ZNF454: variants seen among roughly 807,000 people sequenced by gnomAD.
ZNF454 encodes zinc finger protein 454.
Under a neutral mutation model 48.2 loss-of-function variants are expected in ZNF454, and 30 were observed. That is an observed-to-expected ratio of 0.62 (90% CI 0.47 to 0.84). The LOEUF (loss-of-function observed/expected upper bound fraction) is 0.84, where lower values mean the gene tolerates loss of function less well. Among genes scored for constraint, ZNF454 ranks in the 40% least tolerant of loss-of-function variants. The pLI is 0.00. For synonymous variants in ZNF454, 204 were observed against 211.4 expected (o/e 0.97, Z 0.30); for missense variants, 510 against 623.1 (o/e 0.82, Z 1.93).
In ZNF454 at chr5:178,946,340, A is replaced by G; in HGVS notation, c.34-19A>G. On this transcript the variant is annotated intron_variant, in intron 2 of 4. Coordinates refer to ENST00000519564, the MANE Select transcript of ZNF454 (RefSeq NM_001178089.3). The surrounding 1 kb of genome is among the most constrained non-coding windows in gnomAD (Gnocchi z 4.5). ...GCAGGGGTAGCCCCTGGTCAAGGAG[A>G]ATGAATTTGCTGTTGCAGGAATCGG... 6.2e-7 allele frequency: 1 copy of G among 1,610,580 alleles called. No homozygotes were observed.
intron 4 of ZNF454, among the ~76,000 whole-genome samples, chr5:178,959,872 T>C (rs929861101): frequency 6.6e-6 from 1 of 151,828 alleles, no homozygotes; most frequent in Non-Finnish European, 1.5e-5. Context: ...CCCAAAGTGC[T>C]GGGATTACAG....
At chr5:178,952,688 G>A (rs1759607478) in intron 4 of ZNF454, among the ~76,000 whole-genome samples, 1 of 152,002 alleles carries the variant, frequency 6.6e-6, no homozygotes, top group Non-Finnish European at 1.5e-5. Context: ...TGTATCTTGG[G>A]CAATACTAGG....
chr5:178,986,884 C>T, the ZNF454 span: 1 of 1,614,164 alleles, frequency 6.2e-7, no homozygotes, highest in Non-Finnish European at 8.5e-7. Flanking sequence ...CTGGTACCCG[C>T]CACTGCTGGC....
rs775666872 is a variant in ZNF454 at position 178,946,382 on chromosome 5, G to A, written c.57G>A (p.Val19=). The A allele has an allele frequency of 6.2e-7, 1 of 1,613,240 alleles. No homozygotes were observed. The highest frequency in any genetic ancestry group is 2.2e-5 in the East Asian group (1 of 44,820). ...MVQESVTFKD[V]AILFTQEEWG... ...AGGAATCGGTGACCTTCAAGGATGT[G>A]GCTATACTGTTCACCCAGGAAGAGT... The change falls in exon 3 of 5, where the codon GTG becomes GTA. Residue 19 remains valine, a synonymous_variant. Coordinates refer to ENST00000519564, the MANE Select transcript of ZNF454 (RefSeq NM_001178089.3). This position sits in a 1 kb window ranked among gnomAD's most constrained non-coding sequence, Gnocchi z 4.5.
chr5:178,975,703 G>A, the ZNF454 span: 1 of 429,326 alleles, frequency 2.3e-6, no homozygotes. Flanking sequence ...AGTGCCTCAG[G>A]TGACGGTTAG....
chr5:178,968,104 A>AACACACAC (rs1760192241), downstream of ZNF454, among the ~76,000 whole-genome samples: 1 of 40,280 alleles, frequency 2.5e-5, no homozygotes, highest in African/African-American at 8.1e-5. Flanking sequence ...ACATCTGTGC[A>AACACACAC]TCACACACAC....
intron 4 of ZNF454, among the ~76,000 whole-genome samples, chr5:178,952,125 C>A (rs928657669): frequency 6.6e-6 from 1 of 151,562 alleles, no homozygotes; most frequent in Admixed American, 6.6e-5. Context: ...GCAAGCTCCT[C>A]CTCCCGGGTT....
chr5:178,985,530 T>C, the ZNF454 span: 27,999 of 337,276 alleles, frequency 0.083, 1,344 homozygotes, highest in South Asian at 0.14. Flanking sequence ...GGTGAAGCCC[T>C]GTCTCTACTA....
At chr5:178,982,855 C>T in the ZNF454 span, 503,231 of 1,266,714 alleles carry the variant, frequency 0.4, 101,787 homozygotes, top group East Asian at 0.62. Flanking sequence ...ATGAATGAAT[C>T]GACCAGCCTG....
rs182236141 is a variant in ZNF454 at position 178,966,209 on chromosome 5, C to T, written c.*236C>T. Reference sequence around the variant, plus strand: ...GAGCACTTTGGGAGGCCGAGGTGGGCGGATCACGAGGTCAGGAGATCGAGA... The same window carrying T: ...GAGCACTTTGGGAGGCCGAGGTGGGTGGATCACGAGGTCAGGAGATCGAGA... On this transcript the variant is annotated 3_prime_UTR_variant, in exon 5 of 5. Coordinates refer to ENST00000519564, the MANE Select transcript of ZNF454 (RefSeq NM_001178089.3). The T allele has an allele frequency of 4.7e-4, 174 of 370,742 alleles. No individual in the cohort carries two copies. The highest frequency in any genetic ancestry group is 4.1e-3 in the East Asian group (99 of 24,224). 23.0% of individuals were successfully genotyped at this position (370,742 alleles called of 1,614,324 possible). A position where few individuals can be genotyped will look rare whatever the true frequency, so the allele number is the denominator to read the frequency against.
chr5:178,946,418 G>C lies in ZNF454; in HGVS notation c.93G>C (p.Leu31=). The change falls in exon 3 of 5, where the codon CTG becomes CTC. Residue 31 remains leucine, a synonymous_variant. Transcript: ENST00000519564. The surrounding 1 kb of genome is among the most constrained non-coding windows in gnomAD (Gnocchi z 4.5). ...TCACCCAGGAAGAGTGGGGGCAGCTGAGCCCCGCCCAGAGGGCCCTGTACA... is the reference window on the plus strand; with the variant it reads ...TCACCCAGGAAGAGTGGGGGCAGCTCAGCCCCGCCCAGAGGGCCCTGTACA... ...ILFTQEEWGQ[L]SPAQRALYRD... 6.2e-7 allele frequency: 1 copy of C among 1,613,252 alleles called. No homozygotes were observed. Among genetic ancestry groups the C allele is most frequent in the Non-Finnish European group, 8.5e-7 (1 of 1,179,684 alleles).
chr5:178,985,521 G>A, the ZNF454 span: 1 of 338,162 alleles, frequency 3.0e-6, no homozygotes, highest in Non-Finnish European at 5.8e-6. Flanking sequence ...GGCTAACACG[G>A]TGAAGCCCTG....
At chr5:178,971,333 G>T (rs576218150), downstream of ZNF454, among the ~76,000 whole-genome samples, 1 of 152,266 alleles carries the variant, frequency 6.6e-6, no homozygotes, top group African/African-American at 2.4e-5. Flanking sequence ...GAAAGGCAAG[G>T]CAGGGTGGGT....
intron 4 of ZNF454, among the ~76,000 whole-genome samples, chr5:178,951,100 C>T (rs182451050): frequency 9.5e-4 from 145 of 152,138 alleles, no homozygotes; most frequent in African/African-American, 3.0e-3. Context: ...CCTTGTGATC[C>T]GCCCACCTCG....
chr5:178,986,028 C>G, the ZNF454 span: 4 of 1,101,352 alleles, frequency 3.6e-6, no homozygotes, highest in Non-Finnish European at 3.9e-6. Context: ...TCCAAAGGTG[C>G]TGGGACTACA....
chr5:178,987,120 C>T, the ZNF454 span: 62 of 862,246 alleles, frequency 7.2e-5, no homozygotes, highest in Non-Finnish European at 1.1e-4. Context: ...AAATCCAAGC[C>T]GCAGGGAGAT....
downstream of ZNF454, among the ~76,000 whole-genome samples, chr5:178,970,141 G>A (rs189490960): frequency 1.3e-5 from 2 of 152,322 alleles, no homozygotes; most frequent in Admixed American, 6.5e-5. Context: ...TTTAAACTGA[G>A]TGCTTTTGAT....
the ZNF454 span, chr5:178,989,101 C>T: frequency 1.1e-5 from 17 of 1,613,968 alleles, no homozygotes; most frequent in Non-Finnish European, 1.4e-5. Flanking sequence ...TGCCCTCCTG[C>T]TCGTAGGTGG....
chr5:178,956,882 T>C lies in ZNF454; in HGVS notation c.251-7773T>C, dbSNP rs977080585. Reference sequence around the variant, plus strand: ...CACCATGCCCGGCTAATTTTTTGTATTTTTTGTTTGTTTGTTTTTTTAGAT... The same window carrying C: ...CACCATGCCCGGCTAATTTTTTGTACTTTTTGTTTGTTTGTTTTTTTAGAT... On this transcript the variant is annotated intron_variant, in intron 4 of 4. Coordinates refer to ENST00000519564, the MANE Select transcript of ZNF454 (RefSeq NM_001178089.3). The C allele has an allele frequency of 1.4e-4, 50 of 364,052 alleles. No individual in the cohort carries two copies. In the Admixed American group the frequency reaches 1.4e-3, roughly 10 times the overall value. The allele number at this position is 364,052 out of a possible 1,614,324, so 22.6% of individuals were successfully genotyped here. A position where few individuals can be genotyped will look rare whatever the true frequency, so the allele number is the denominator to read the frequency against.
Sources: gnomAD v4.1 joint callset for allele counts (sites outside exome capture counted in the v4.1 genomes callset) on GRCh38, gnomAD v4.1.1 for gene constraint, Gnocchi (gnomAD v3.1) non-coding constraint, MANE v1.5 for transcripts, NCBI Gene and HGNC (gene_info 2026-07-23, HGNC 2026-07-21) for gene names.